The following CEP63 variants were observed in gnomAD, a reference collection of about 807,000 sequenced individuals.
CEP63 encodes centrosomal protein 63.
Under a neutral mutation model 89.1 loss-of-function variants are expected in CEP63, and 84 were observed. The ratio of observed to expected loss-of-function variants is 0.94; its 90% confidence interval spans 0.79 to 1.13. CEP63 has a LOEUF of 1.13. Ranked by LOEUF, CEP63 falls within the 50% of genes most tolerant of loss-of-function variation. CEP63 has a pLI of 0.00. For synonymous variants in CEP63, 267 were observed against 272.5 expected (o/e 0.98, Z 0.20); for missense variants, 838 against 813.3 (o/e 1.03, Z -0.37).
At chr3:134,554,518 A>G (rs1955694834) in intron 12 of CEP63, among the ~76,000 whole-genome samples, 1 of 148,852 alleles carries the variant, frequency 6.7e-6, no homozygotes, top group East Asian at 2.0e-4. Context: ...AGTCTTTGCT[A>G]TTGTGAATAG....
chr3:134,510,439 T>A (rs1944574336), intron 3 of CEP63: 1 of 261,926 alleles, frequency 3.8e-6, no homozygotes, highest in African/African-American at 2.3e-5. Flanking sequence ...AGAACCGGAG[T>A]TCACCTATCA....
At chr3:134,566,200 A>G (rs1009762155), downstream of CEP63, among the ~76,000 whole-genome samples, 1 of 152,058 alleles carries the variant, frequency 6.6e-6, no homozygotes, top group African/African-American at 2.4e-5. Context: ...ACCAGGTTCA[A>G]TTATTTGACA....
the CEP63 span, among the ~76,000 whole-genome samples, chr3:134,744,056 C>A: frequency 2.0e-5 from 3 of 152,144 alleles, no homozygotes; most frequent in Non-Finnish European, 4.4e-5. Context: ...CACCCCACCC[C>A]CAGCCATCCA....
At chr3:134,577,431 C>CTTTTTTT (rs10662705), downstream of CEP63, among the ~76,000 whole-genome samples, 123 of 86,278 alleles carry the variant, frequency 1.4e-3, 4 homozygotes, top group South Asian at 4.3e-3. Context: ...TTCTAATCCA[C>CTTTTTTT]TTTTTTTTTT....
rs1958364709 is a variant in CEP63, at chr3:134,581,920, C to A, written c.1207-5538C>A. On this transcript the variant is annotated intron_variant, in intron 10 of 10. Coordinates refer to the CEP63 transcript ENST00000683931. ...TCGATCTCCTGACCTCGTGATCCGC[C>A]CGCCTCGGCCTCCCAAAGTGCTGGG... is the stretch of plus-strand genomic sequence containing the variant. Among the ~76,000 whole-genome samples, 4 of 151,874 alleles carry A rather than the reference C, an allele frequency of 2.6e-5. No individual in the cohort carries two copies. In the South Asian group the frequency reaches 8.3e-4, roughly 32 times the overall value.
chr3:134,521,452 G>A (rs1310176933), intron 3 of CEP63, among the ~76,000 whole-genome samples: 4 of 150,292 alleles, frequency 2.7e-5, no homozygotes, highest in East Asian at 2.0e-4. Flanking sequence ...TTGTTCCCCC[G>A]TTGGGCCTGG....
At chr3:134,666,293 C>A in the CEP63 span, among the ~76,000 whole-genome samples, 1 of 152,186 alleles carries the variant, frequency 6.6e-6, no homozygotes, top group South Asian at 2.1e-4. Flanking sequence ...AGCAGACTCA[C>A]CTGCGGGGCA....
intron 10 of CEP63, among the ~76,000 whole-genome samples, chr3:134,586,102 G>C (rs956336882): frequency 5.9e-5 from 9 of 152,026 alleles, no homozygotes; most frequent in African/African-American, 2.2e-4. Context: ...CTGCATGTGA[G>C]ATGGATCTCC....
At chr3:134,574,709 C>A (rs1364584816) in intron 11 of CEP63, 8 of 487,212 alleles carry the variant, frequency 1.6e-5, no homozygotes, top group South Asian at 1.6e-4. Context: ...CTGGGCTCAA[C>A]TGATCCACCT....
At chr3:134,547,760 C>T (rs532700967) in intron 9 of CEP63, among the ~76,000 whole-genome samples, 8 of 151,928 alleles carry the variant, frequency 5.3e-5, no homozygotes, top group Non-Finnish European at 1.5e-5. Context: ...CAGGCGTGCA[C>T]CACCATGCCT....
At chr3:134,588,290 A>AAAAT (rs571203909), downstream of CEP63, among the ~76,000 whole-genome samples, 5 of 152,328 alleles carry the variant, frequency 3.3e-5, no homozygotes, top group Admixed American at 2.6e-4. Context: ...CTCTATCTCA[A>AAAAT]AAATAAATAA....
chr3:134,516,292 C>G (rs188228154), intron 3 of CEP63, among the ~76,000 whole-genome samples: 95 of 152,316 alleles, frequency 6.2e-4, no homozygotes, highest in African/African-American at 2.2e-3. Context: ...AGCAGTGTTG[C>G]TGCCTGCATG....
chr3:134,595,080 TG>T, the CEP63 span, among the ~76,000 whole-genome samples: 5 of 152,326 alleles, frequency 3.3e-5, no homozygotes, highest in East Asian at 9.7e-4. Context: ...TGATATGGTT[TG>T]GCTGTGTCCC....
chr3:134,526,928 G>T (rs1048656120), intron 3 of CEP63, among the ~76,000 whole-genome samples: 1 of 151,786 alleles, frequency 6.6e-6, no homozygotes, highest in Non-Finnish European at 1.5e-5. Flanking sequence ...GGGGGGGCTC[G>T]TATTGGGCCC....
At chr3:134,642,359 C>T in the CEP63 span, among the ~76,000 whole-genome samples, 1 of 152,184 alleles carries the variant, frequency 6.6e-6, no homozygotes, top group Admixed American at 6.5e-5. Flanking sequence ...ACTCTCAGAG[C>T]AAGCGTGATG....
chr3:134,572,279 CA>C (rs1244963270), intron 11 of CEP63, among the ~76,000 whole-genome samples: 2 of 152,104 alleles, frequency 1.3e-5, no homozygotes, highest in Non-Finnish European at 2.9e-5. Context: ...ATTTTAAATT[CA>C]GGGGGTGCAC....
intron 3 of CEP63, among the ~76,000 whole-genome samples, chr3:134,517,936 A>AT (rs1946598266): frequency 6.6e-6 from 1 of 152,296 alleles, no homozygotes; most frequent in Admixed American, 6.5e-5. Flanking sequence ...AAAGAAGGAC[A>AT]TTTTTTAAAA....
At chr3:134,760,250 G>A in the CEP63 span, among the ~76,000 whole-genome samples, 10 of 151,852 alleles carry the variant, frequency 6.6e-5, no homozygotes, top group African/African-American at 2.4e-4. Context: ...TAGTAGAGAC[G>A]GGGTTTCACT....
At chr3:134,649,326 C>G in the CEP63 span, among the ~76,000 whole-genome samples, 12 of 152,132 alleles carry the variant, frequency 7.9e-5, no homozygotes, top group Non-Finnish European at 1.8e-4. Context: ...GTCCTGATGC[C>G]TGGTGTTTCC....
Sources: allele counts gnomAD v4.1 joint callset (sites outside exome capture counted in the v4.1 genomes callset), GRCh38; gene constraint gnomAD v4.1.1; transcripts MANE v1.5; gene names NCBI Gene and HGNC (gene_info 2026-07-23, HGNC 2026-07-21).